The following PCDHGB1 variants were observed in gnomAD, a reference collection of about 807,000 sequenced individuals.
PCDHGB1 encodes the protein protocadherin gamma subfamily B, 1.
Under a neutral mutation model 56.6 loss-of-function variants are expected in PCDHGB1, and 34 were observed. The ratio of observed to expected loss-of-function variants is 0.60; its 90% confidence interval spans 0.46 to 0.80. The LOEUF (loss-of-function observed/expected upper bound fraction) is 0.80. Ranked by LOEUF, PCDHGB1 falls within the 30% of genes least tolerant of loss-of-function variation. The pLI, the probability that PCDHGB1 is intolerant of heterozygous loss-of-function variation, is 0.00. For missense variants in PCDHGB1, 1,278 were observed against 1,204.6 expected (o/e 1.06, Z -0.90); for synonymous variants, 561 against 505.9 (o/e 1.11, Z -1.46).
Position 141,421,312 on chromosome 5 carries a change from G to A in PCDHGB1, c.2409+68643G>A, listed in dbSNP as rs375071225. ...CCTGGGGACGCTGCGGGGGTTCCGGGCCAGGCAGATCCGATATTCGGTGCC... is the reference window on the plus strand; with the variant it reads ...CCTGGGGACGCTGCGGGGGTTCCGGACCAGGCAGATCCGATATTCGGTGCC... On this transcript the variant is annotated intron_variant, in intron 1 of 3. Coordinates refer to ENST00000523390, the MANE Select transcript of PCDHGB1 (RefSeq NM_018922.3). The A allele has an allele frequency of 1.9e-5, 31 of 1,613,630 alleles. No homozygotes were observed. The highest frequency in any genetic ancestry group is 1.4e-5 in the Non-Finnish European group (17 of 1,179,886).
intron 1 of PCDHGB1, chr5:141,424,468 C>A (rs1301878037): frequency 1.3e-5 from 2 of 152,072 alleles, no homozygotes; most frequent in South Asian, 2.1e-4. Context: ...TCCTTTTATT[C>A]TTTTACTTTG....
chr5:141,351,557 A>T lies in PCDHGB1; in HGVS notation c.1297A>T (p.Ser433Cys), dbSNP rs750757830. ...CAAACCAGCCCTTTCCTCCAGGACA[A>T]GCATCACCCTGCACATCTCCGACAT... ...KGKPALSSRT[S>C]ITLHISDIND... Residue 433 changes from serine (S) to cysteine (C), a missense_variant, in exon 1 of 4, where the codon AGC becomes TGC. Coordinates refer to ENST00000523390, the MANE Select transcript of PCDHGB1 (RefSeq NM_018922.3). 2 of 1,614,024 alleles carry T rather than the reference A, an allele frequency of 1.2e-6. No individual in the cohort carries two copies.
chr5:141,491,884 G>C lies in PCDHGB1; in HGVS notation c.2410-2923G>C, dbSNP rs745931108. 5.0e-5 allele frequency: 73 copies of C among 1,446,372 alleles called. No homozygotes were observed. The highest frequency in any genetic ancestry group is 6.3e-5 in the Non-Finnish European group (69 of 1,094,334). The allele number at this position is 1,446,372 out of a possible 1,614,324, so 89.6% of individuals were successfully genotyped here. A position where few individuals can be genotyped will look rare whatever the true frequency, so the allele number is the denominator to read the frequency against. On this transcript the variant is annotated intron_variant, in intron 1 of 3. Coordinates refer to ENST00000523390, the MANE Select transcript of PCDHGB1 (RefSeq NM_018922.3). The surrounding 1 kb of genome is among the most constrained non-coding windows in gnomAD (Gnocchi z 6.9). The stretch of plus-strand genomic sequence containing the variant: ...AACCAGAGTGGCCGATTAAGGGATG[G>C]GGCTCCGAGCACCGGGGGTGGTGGC...
Position 141,476,242 on chromosome 5 carries a change from G to T in PCDHGB1, c.2410-18565G>T. ...ACTATGAGATCCCGGAGGAAAGAGA[G>T]AAGGGTTTCGCTGTGGGCAACGTGG... is the stretch of plus-strand genomic sequence containing the variant. On this transcript the variant is annotated intron_variant, in intron 1 of 3. Coordinates refer to ENST00000523390, the MANE Select transcript of PCDHGB1 (RefSeq NM_018922.3). The surrounding 1 kb of genome is among the most constrained non-coding windows in gnomAD (Gnocchi z 7.6). 6.2e-7 allele frequency: 1 copy of T among 1,614,100 alleles called. No individual in the cohort carries two copies.
chr5:141,369,246 A>G (rs1035336537), intron 1 of PCDHGB1, among the ~76,000 whole-genome samples: 3 of 152,210 alleles, frequency 2.0e-5, no homozygotes, highest in Non-Finnish European at 4.4e-5. Flanking sequence ...TTATATAATT[A>G]AATAATATAA....
chr5:141,364,354 G>C (rs1256054518), intron 1 of PCDHGB1: 1 of 1,554,444 alleles, frequency 6.4e-7, no homozygotes, highest in Non-Finnish European at 8.7e-7. Context: ...CTAGGGGCTG[G>C]GGCTGCGGAG....
rs1562063782 is a variant in PCDHGB1, at chr5:141,477,676, A to G, written c.2410-17131A>G. ...TAAATCGTGACAATGGCATAGTGTC[A>G]TCCTTAGTGCCCCTAGACTATGAGG... On this transcript the variant is annotated intron_variant, in intron 1 of 3. Coordinates refer to ENST00000523390, the MANE Select transcript of PCDHGB1 (RefSeq NM_018922.3). This position sits in a 1 kb window ranked among gnomAD's most constrained non-coding sequence, Gnocchi z 4.9. The G allele has an allele frequency of 1.2e-6, 2 of 1,614,194 alleles. No homozygotes were observed. The highest frequency in any genetic ancestry group is 1.7e-6 in the Non-Finnish European group (2 of 1,180,046).
intron 1 of PCDHGB1, chr5:141,395,603 G>C: frequency 5.0e-6 from 1 of 198,204 alleles, no homozygotes; most frequent in Non-Finnish European, 1.0e-5. Context: ...TCCCAAACTA[G>C]AACTTCAGAA....
chr5:141,365,591 A>C (rs1341115050), intron 1 of PCDHGB1: 1 of 1,613,546 alleles, frequency 6.2e-7, no homozygotes, highest in African/African-American at 1.3e-5. Context: ...TTATAATATC[A>C]CTTTAACCGT....
intron 1 of PCDHGB1, among the ~76,000 whole-genome samples, chr5:141,465,300 G>A (rs904996219): frequency 1.3e-5 from 2 of 152,112 alleles, no homozygotes; most frequent in Non-Finnish European, 2.9e-5. Flanking sequence ...TGAGAGTCCT[G>A]GGAATTTAGC....
At chr5:141,362,466 G>T (rs753193547) in intron 1 of PCDHGB1, 19 of 1,613,922 alleles carry the variant, frequency 1.2e-5, no homozygotes, top group Non-Finnish European at 1.6e-5. Flanking sequence ...TGGTTCCCGC[G>T]CAAGATCTCG....
chr5:141,509,575 T>C (rs186302231), intron 3 of PCDHGB1, among the ~76,000 whole-genome samples: 153 of 152,320 alleles, frequency 1.0e-3, no homozygotes, highest in African/African-American at 3.7e-3. Flanking sequence ...TCACAGTGCG[T>C]ACAAATCAGC....
intron 3 of PCDHGB1, among the ~76,000 whole-genome samples, chr5:141,509,049 C>G (rs1384134813): frequency 3.3e-5 from 5 of 152,150 alleles, no homozygotes; most frequent in Non-Finnish European, 5.9e-5. Context: ...TCCCCCGCCC[C>G]CAGAAAGCTC....
At chr5:141,499,247 A>C (rs908111927) in intron 2 of PCDHGB1, among the ~76,000 whole-genome samples, 1 of 152,036 alleles carries the variant, frequency 6.6e-6, no homozygotes, top group Non-Finnish European at 1.5e-5. Flanking sequence ...CTCTGCACAA[A>C]GAGTCTCCAT....
chr5:141,399,991 G>C, intron 1 of PCDHGB1: 1 of 1,612,422 alleles, frequency 6.2e-7, no homozygotes, highest in Non-Finnish European at 8.5e-7. Context: ...CACAGGAGAG[G>C]TGCGCACAGC....
chr5:141,436,487 A>G (rs2097826897), intron 1 of PCDHGB1, among the ~76,000 whole-genome samples: 2 of 152,196 alleles, frequency 1.3e-5, no homozygotes, highest in Non-Finnish European at 2.9e-5. Context: ...GAAGGATAGC[A>G]GCTTTGCAAT....
chr5:141,474,019 A>G (rs923131322), intron 1 of PCDHGB1, among the ~76,000 whole-genome samples: 4 of 152,134 alleles, frequency 2.6e-5, no homozygotes, highest in Non-Finnish European at 4.4e-5. Flanking sequence ...ACAGTGAGCT[A>G]TGATTATTCC....
intron 1 of PCDHGB1, chr5:141,441,988 A>G: frequency 3.7e-6 from 1 of 269,936 alleles, no homozygotes; most frequent in Non-Finnish European, 7.3e-6. Flanking sequence ...ATGCGCACCG[A>G]CGAGGTGCTG....
At chr5:141,355,681 G>T (rs933117526) in intron 1 of PCDHGB1, 1 of 1,613,908 alleles carries the variant, frequency 6.2e-7, no homozygotes, top group Non-Finnish European at 8.5e-7. Flanking sequence ...TTTTGATCCG[G>T]ATGTAGGTGT....
Sources: gnomAD v4.1 joint callset for allele counts (sites outside exome capture counted in the v4.1 genomes callset) on GRCh38, gnomAD v4.1.1 for gene constraint, Gnocchi (gnomAD v3.1) non-coding constraint, MANE v1.5 for transcripts, NCBI Gene and HGNC (gene_info 2026-07-23, HGNC 2026-07-21) for gene names.